Variants in ELK3 observed in about 807,000 individuals in gnomAD.
The protein encoded by ELK3 is ETS transcription factor ELK3, also known as ETS domain-containing protein Elk-3.
ELK3 carries 10 observed loss-of-function variants against 28.9 expected under a neutral mutation model. The observed-to-expected ratio is 0.35, with a 90% confidence interval of 0.21 to 0.59. The LOEUF (loss-of-function observed/expected upper bound fraction) is 0.59. ELK3 is among the 20% of genes least tolerant of loss of function. The probability of loss-of-function intolerance (pLI) is 0.82; values close to 1 mark genes in which losing one functional copy is unlikely to be tolerated. For synonymous variants in ELK3, 272 were observed against 243.5 expected (o/e 1.12, Z -1.09); for missense variants, 463 against 517.3 (o/e 0.90, Z 1.02).
chr12:96,214,455 CAAA>C (rs113949362), intron 1 of ELK3, among the ~76,000 whole-genome samples: 3,685 of 139,426 alleles, frequency 0.026, 84 homozygotes, highest in Non-Finnish European at 0.041. Context: ...AACAAACAAA[CAAA>C]AAAAAAAACA....
chr12:96,220,923 G>A (rs1592676311), intron 1 of ELK3, among the ~76,000 whole-genome samples: 1 of 152,088 alleles, frequency 6.6e-6, no homozygotes, highest in East Asian at 1.9e-4. Context: ...GCTTGGCTTC[G>A]GACTTTGGGT....
intron 3 of ELK3, among the ~76,000 whole-genome samples, chr12:96,250,958 T>G (rs1951900738): frequency 6.6e-6 from 1 of 152,174 alleles, no homozygotes; most frequent in Non-Finnish European, 1.5e-5. Flanking sequence ...CGTGGTTACC[T>G]TATCACACCT....
chr12:96,227,217 G>A (rs528441805), intron 2 of ELK3, among the ~76,000 whole-genome samples: 12 of 152,070 alleles, frequency 7.9e-5, no homozygotes, highest in African/African-American at 1.4e-4. Flanking sequence ...CGGCCTGACC[G>A]TTTGCCTTTT....
At position 96,201,216 on chromosome 12, in the gene ELK3, C is replaced by T. The variant is rs547291291; in HGVS notation, c.-3+6511C>T. Among the ~76,000 whole-genome samples, 4 of 152,050 alleles carry T rather than the reference C, an allele frequency of 2.6e-5. No homozygotes were observed. In the South Asian group the frequency reaches 8.3e-4, roughly 32 times the overall value. ...ACCTGATATCCGCAAAATATTTAAC[C>T]AAAAGTAATATGTGTGCTTTAGGAA... On this transcript the variant is annotated intron_variant, in intron 1 of 4. Transcript: ENST00000228741.
Position 96,247,105 on chromosome 12 carries a change from G to A in ELK3, c.373G>A (p.Gly125Ser), listed in dbSNP as rs758236190. 8.7e-6 allele frequency: 14 copies of A among 1,613,322 alleles called. No homozygotes were observed. The highest frequency in any genetic ancestry group is 5.3e-5 in the African/African-American group (4 of 74,922). ...SPEGREAHKH[G>S]LAALRSTSRN... ...GGAGGGCCGCGAGGCCCACAAACAC[G>A]GCCTGGCCGCCCTCAGAAGCACGAG... is the stretch of plus-strand genomic sequence containing the variant. The change falls in exon 3 of 5, where the codon GGC becomes AGC. Residue 125 changes from glycine to serine, a missense_variant. Transcript: ENST00000228741. This position sits in a 1 kb window ranked among gnomAD's most constrained non-coding sequence, Gnocchi z 5.5.
chr12:96,220,597 C>T (rs549670940), intron 1 of ELK3, among the ~76,000 whole-genome samples: 30 of 151,994 alleles, frequency 2.0e-4, no homozygotes, highest in African/African-American at 7.0e-4. Flanking sequence ...TCATGTTGGC[C>T]AGGCTGGTCT....
chr12:96,215,181 G>T (rs141684392), intron 1 of ELK3, among the ~76,000 whole-genome samples: 49 of 149,362 alleles, frequency 3.3e-4, no homozygotes, highest in Non-Finnish European at 6.4e-4. Context: ...AGCTAATTCT[G>T]CCCCCTCAAC....
chr12:96,217,034 T>C (rs1417980398), intron 1 of ELK3, among the ~76,000 whole-genome samples: 6 of 152,148 alleles, frequency 3.9e-5, no homozygotes, highest in Admixed American at 6.5e-5. Context: ...GCAGGAGAGT[T>C]GCTTCAGGCC....
intron 1 of ELK3, chr12:96,212,817 A>C (rs1565778924): frequency 6.6e-6 from 1 of 152,196 alleles, no homozygotes; most frequent in African/African-American, 2.4e-5. Flanking sequence ...TACAGGACTC[A>C]AAGAAGATCA....
chr12:96,225,778 G>T (rs1329641845), intron 2 of ELK3, among the ~76,000 whole-genome samples: 1 of 152,176 alleles, frequency 6.6e-6, no homozygotes. Context: ...TGAGTGTCTT[G>T]AGTTCCAGGT....
Position 96,247,046 on chromosome 12 carries a change from T to C in ELK3, c.314T>C (p.Leu105Pro). The C allele has an allele frequency of 2.5e-6, 4 of 1,614,140 alleles. No homozygotes were observed. Among genetic ancestry groups the C allele is most frequent in the Non-Finnish European group, 3.4e-6 (4 of 1,180,032 alleles). The part of the protein sequence containing the change: ...PHAVEISRES[L>P]LLQDSDCKAS... Reference sequence around the variant, plus strand: ...GCGGTGGAGATCAGCCGGGAGAGCCTTCTGCTGCAGGACAGCGACTGCAAG... The same window carrying C: ...GCGGTGGAGATCAGCCGGGAGAGCCCTCTGCTGCAGGACAGCGACTGCAAG... The change falls in exon 3 of 5, where the codon CTT (leucine) becomes CCT (proline). Residue 105 changes from leucine (L) to proline (P), a missense_variant. Physicochemically the swap from Leu to Pro is moderately conservative, Grantham distance 98. Transcript: ENST00000228741. This position sits in a 1 kb window ranked among gnomAD's most constrained non-coding sequence, Gnocchi z 5.5.
intron 1 of ELK3, among the ~76,000 whole-genome samples, chr12:96,208,559 C>T (rs1343138562): frequency 6.6e-6 from 1 of 152,144 alleles, no homozygotes; most frequent in Non-Finnish European, 1.5e-5. Flanking sequence ...TCATCCAGTT[C>T]CCAAGAAAAT....
chr12:96,206,211 T>G (rs1951537244), intron 1 of ELK3, among the ~76,000 whole-genome samples: 2 of 152,210 alleles, frequency 1.3e-5, no homozygotes, highest in Admixed American at 1.3e-4. Context: ...AAGGAGAAAC[T>G]TTAAAACCTT....
In ELK3 at chr12:96,215,567, G is replaced by A. The variant is rs145956917; in HGVS notation, c.-2-7998G>A. ...GCATCTTTCTTTTTGAGGCTCCGTC[G>A]GATTAAAGAATGAATCAAAGTTAAA... On this transcript the variant is annotated intron_variant, in intron 1 of 4. Coordinates refer to ENST00000228741, the MANE Select transcript of ELK3 (RefSeq NM_005230.4). Among the ~76,000 whole-genome samples the A allele has an allele frequency of 2.4e-4, 37 of 151,716 alleles. No individual in the cohort carries two copies. The East Asian group carries it at 7.0e-3, about 29-fold the overall frequency.
At chr12:96,236,386 G>C (rs927717582) in intron 2 of ELK3, among the ~76,000 whole-genome samples, 2 of 152,290 alleles carry the variant, frequency 1.3e-5, no homozygotes, top group African/African-American at 4.8e-5. Context: ...GATGAAGAGC[G>C]CCTCAACTTC....
intron 1 of ELK3, among the ~76,000 whole-genome samples, chr12:96,205,667 A>G (rs1592669244): frequency 1.3e-5 from 2 of 152,294 alleles, no homozygotes; most frequent in South Asian, 2.1e-4. Context: ...TTGAAAAAGC[A>G]GTTTAGAACA....
intron 2 of ELK3, among the ~76,000 whole-genome samples, chr12:96,225,380 A>G (rs555548118): frequency 2.0e-5 from 3 of 152,322 alleles, no homozygotes; most frequent in South Asian, 4.1e-4. Flanking sequence ...TGGGCTGGAA[A>G]TGACTGCTCA....
chr12:96,238,502 C>T (rs1951798780), intron 2 of ELK3, among the ~76,000 whole-genome samples: 1 of 152,232 alleles, frequency 6.6e-6, no homozygotes, highest in South Asian at 2.1e-4. Flanking sequence ...GGCCTGGAGA[C>T]AGCCGGGGGA....
intron 2 of ELK3, among the ~76,000 whole-genome samples, chr12:96,236,629 A>G (rs1354987468): frequency 6.6e-6 from 1 of 152,202 alleles, no homozygotes; most frequent in Non-Finnish European, 1.5e-5. Flanking sequence ...GCTTTGCACA[A>G]GGGACAGCCT....
Sources: allele counts gnomAD v4.1 joint callset (sites outside exome capture counted in the v4.1 genomes callset), GRCh38; gene constraint gnomAD v4.1.1; non-coding constraint Gnocchi (gnomAD v3.1); transcripts MANE v1.5; gene names NCBI Gene and HGNC (gene_info 2026-07-23, HGNC 2026-07-21).